GULP1: variants seen among roughly 807,000 people sequenced by gnomAD.
GULP1 encodes the protein GULP PTB domain containing engulfment adaptor 1, also known as PTB domain-containing engulfment adapter protein 1.
GULP1 carries 19 observed loss-of-function variants against 40.9 expected under a neutral mutation model. That is an observed-to-expected ratio of 0.46 (90% confidence interval 0.32 to 0.68). The LOEUF is 0.68. Ranked by LOEUF, GULP1 falls within the 30% of genes least tolerant of loss-of-function variation. The pLI is 0.03. For synonymous variants in GULP1, 119 were observed against 117.6 expected (o/e 1.01, Z -0.08); for missense variants, 312 against 362.2 (o/e 0.86, Z 1.12).
chr2:188,421,384 A>C (rs953026973), intron 2 of GULP1, among the ~76,000 whole-genome samples: 2 of 152,118 alleles, frequency 1.3e-5, no homozygotes, highest in African/African-American at 4.8e-5. Flanking sequence ...TTGTGCATTC[A>C]TGTATGTATT....
At chr2:188,397,876 C>T (rs891515560) in intron 2 of GULP1, among the ~76,000 whole-genome samples, 8 of 152,304 alleles carry the variant, frequency 5.3e-5, no homozygotes, top group East Asian at 1.9e-4. Context: ...ATGGAAGCTA[C>T]GTTCTTTTAT....
intron 4 of GULP1, among the ~76,000 whole-genome samples, chr2:188,508,968 A>G (rs1470659681): frequency 6.6e-6 from 1 of 152,038 alleles, no homozygotes; most frequent in African/African-American, 2.4e-5. Flanking sequence ...GTTCAGTGGC[A>G]TTAAAATTCA....
chr2:188,347,451 T>C (rs891447788), intron 1 of GULP1, among the ~76,000 whole-genome samples: 28 of 152,102 alleles, frequency 1.8e-4, no homozygotes, highest in Non-Finnish European at 3.5e-4. Context: ...AAATAAACTG[T>C]CAGAAACAAT....
intron 2 of GULP1, among the ~76,000 whole-genome samples, chr2:188,418,118 T>A (rs1381202615): frequency 6.6e-6 from 1 of 152,114 alleles, no homozygotes; most frequent in Non-Finnish European, 1.5e-5. Context: ...ACAGTCTGTT[T>A]TTATTTAAAA....
chr2:188,355,260 A>T (rs368215574), intron 1 of GULP1, among the ~76,000 whole-genome samples: 127 of 152,158 alleles, frequency 8.3e-4, no homozygotes, highest in African/African-American at 2.9e-3. Flanking sequence ...TTCTTAAAAG[A>T]TAAGTAAAAT....
intron 1 of GULP1, among the ~76,000 whole-genome samples, chr2:188,365,842 C>T (rs1360360634): frequency 6.6e-6 from 1 of 151,858 alleles, no homozygotes; most frequent in Non-Finnish European, 1.5e-5. Context: ...TTGAAGTGGG[C>T]GATATGGTAT....
chr2:188,322,385 T>G (rs539305379), intron 1 of GULP1, among the ~76,000 whole-genome samples: 35 of 152,170 alleles, frequency 2.3e-4, no homozygotes, highest in African/African-American at 8.4e-4. Context: ...CCTCGTTAGT[T>G]TGTCCTATTC....
chr2:188,564,240 T>A (rs951303533), intron 7 of GULP1, among the ~76,000 whole-genome samples: 3 of 151,906 alleles, frequency 2.0e-5, no homozygotes, highest in African/African-American at 4.8e-5. Flanking sequence ...TTTAACGTGG[T>A]ATTAGGTGCC....
At chr2:188,320,360 A>G (rs945974217) in intron 1 of GULP1, among the ~76,000 whole-genome samples, 3 of 152,188 alleles carry the variant, frequency 2.0e-5, no homozygotes, top group African/African-American at 4.8e-5. Flanking sequence ...TATGTGTACA[A>G]TTGACTTTAA....
intron 1 of GULP1, among the ~76,000 whole-genome samples, chr2:188,310,355 A>G (rs2037876804): frequency 6.6e-6 from 1 of 152,216 alleles, no homozygotes. Flanking sequence ...GAAGGCCTGA[A>G]TTTAAGAAAT....
intron 7 of GULP1, among the ~76,000 whole-genome samples, chr2:188,564,253 A>G (rs188013342): frequency 3.4e-4 from 52 of 152,020 alleles, no homozygotes; most frequent in Middle Eastern, 3.4e-3. Context: ...TAGGTGCCTT[A>G]GCTAGTGAAT....
At chr2:188,374,610 G>A (rs570189908) in intron 1 of GULP1, among the ~76,000 whole-genome samples, 1 of 152,120 alleles carries the variant, frequency 6.6e-6, no homozygotes, top group South Asian at 2.1e-4. Context: ...TTTTAAAAAG[G>A]GTGCTGATTG....
chr2:188,343,226 T>C (rs2043192962), intron 1 of GULP1, among the ~76,000 whole-genome samples: 1 of 152,172 alleles, frequency 6.6e-6, no homozygotes, highest in Non-Finnish European at 1.5e-5. Context: ...TGTTGATTCT[T>C]AATAGCCTTG....
intron 5 of GULP1, among the ~76,000 whole-genome samples, chr2:188,525,103 T>A (rs930436236): frequency 5.9e-5 from 9 of 151,976 alleles, no homozygotes; most frequent in African/African-American, 2.2e-4. Flanking sequence ...TTTAGAGAAT[T>A]TACAGTTTAT....
At chr2:188,308,885 C>T (rs975042433) in intron 1 of GULP1, among the ~76,000 whole-genome samples, 19 of 152,036 alleles carry the variant, frequency 1.2e-4, no homozygotes, top group Admixed American at 3.3e-4. Flanking sequence ...GAGTATCTGC[C>T]GTGGTACTTG....
chr2:188,450,909 T>G (rs113960457), intron 2 of GULP1, among the ~76,000 whole-genome samples: 4 of 152,260 alleles, frequency 2.6e-5, no homozygotes, highest in South Asian at 2.1e-4. Flanking sequence ...ATCATTAAGC[T>G]TCAGCAACAT....
chr2:188,573,216 C>T (rs1699458970), intron 9 of GULP1, among the ~76,000 whole-genome samples: 1 of 151,966 alleles, frequency 6.6e-6, no homozygotes, highest in Non-Finnish European at 1.5e-5. Context: ...ACATTTTTGC[C>T]TTTCATTTCA....
intron 4 of GULP1, among the ~76,000 whole-genome samples, chr2:188,484,825 C>A (rs2061726145): frequency 1.3e-5 from 2 of 152,024 alleles, no homozygotes; most frequent in African/African-American, 2.4e-5. Context: ...TGCTGACTTA[C>A]CAGCAAAGAA....
chr2:188,409,932 C>T (rs1018530657), intron 2 of GULP1, among the ~76,000 whole-genome samples: 4 of 152,190 alleles, frequency 2.6e-5, no homozygotes, highest in African/African-American at 7.2e-5. Flanking sequence ...AAGCATCACA[C>T]TACCTGATTT....
Sources: allele counts gnomAD v4.1 joint callset (sites outside exome capture counted in the v4.1 genomes callset), GRCh38; gene constraint gnomAD v4.1.1; transcripts MANE v1.5; gene names NCBI Gene and HGNC (gene_info 2026-07-23, HGNC 2026-07-21).